The following GPR89B variants were observed in gnomAD, a reference collection of about 807,000 sequenced individuals.
The protein encoded by GPR89B is golgi pH regulator B, also known as G protein-coupled receptor 89B.
GPR89B carries 25 observed loss-of-function variants against 52.4 expected under a neutral mutation model. The ratio of observed to expected loss-of-function variants is 0.48; its 90% confidence interval spans 0.35 to 0.67. GPR89B has a LOEUF of 0.67. Among genes scored for constraint, GPR89B ranks in the 30% least tolerant of loss-of-function variants. The probability of loss-of-function intolerance (pLI) is 0.01; values close to 1 mark genes in which losing one functional copy is unlikely to be tolerated. For synonymous variants in GPR89B, 52 were observed against 151.2 expected (o/e 0.34, Z 4.81); for missense variants, 146 against 450.2 (o/e 0.32, Z 6.11).
chr1:147,985,463 A>G (rs1490190987), intron 10 of GPR89B, among the ~76,000 whole-genome samples: 10 of 152,002 alleles, frequency 6.6e-5, no homozygotes, highest in Admixed American at 3.9e-4. Flanking sequence ...TCAGCAATCT[A>G]TAGCCCACAG....
chr1:148,005,836 T>C, the GPR89B span, among the ~76,000 whole-genome samples: 1 of 151,984 alleles, frequency 6.6e-6, no homozygotes, highest in Non-Finnish European at 1.5e-5. Context: ...TCCAAGACCA[T>C]GCTTCTGTTC....
chr1:147,991,543 G>A (rs1236626683), intron 12 of GPR89B, among the ~76,000 whole-genome samples: 1 of 152,132 alleles, frequency 6.6e-6, no homozygotes, highest in Non-Finnish European at 1.5e-5. Context: ...CAAAGGGAAT[G>A]CTTCCAGTTT....
chr1:148,025,635 A>G, the GPR89B span: 4 of 148,350 alleles, frequency 2.7e-5, no homozygotes, highest in African/African-American at 1.0e-4. Flanking sequence ...TTAACCCCCA[A>G]CTTGACTGTA....
Position 147,928,579 on chromosome 1 carries a change from G to A in GPR89B, c.42+1G>A. 1 of 1,613,896 alleles carries A rather than the reference G, an allele frequency of 6.2e-7. No homozygotes were observed. The highest frequency in any genetic ancestry group is 1.1e-5 in the South Asian group (1 of 91,076). ...CTCCAGCATCATGATTACCTCCCAGGTGAGTCACCGCCTCCCGCCCCGACA... is the reference window on the plus strand; with the variant it reads ...CTCCAGCATCATGATTACCTCCCAGATGAGTCACCGCCTCCCGCCCCGACA... On this transcript the variant is annotated splice_donor_variant, in intron 1 of 13. Coordinates refer to ENST00000314163, the MANE Select transcript of GPR89B (RefSeq NM_016334.5). LOFTEE classifies it high-confidence loss of function.
the GPR89B span, among the ~76,000 whole-genome samples, chr1:148,015,293 A>ATCTCCCTCTCTC: frequency 9.9e-4 from 69 of 69,878 alleles, no homozygotes; most frequent in Middle Eastern, 6.4e-3. Flanking sequence ...GGATTCTAGG[A>ATCTCCCTCTCTC]TCTCTCTCTC....
the GPR89B span, chr1:148,011,541 G>T: frequency 1.3e-5 from 2 of 152,362 alleles, no homozygotes; most frequent in Non-Finnish European, 2.9e-5. Flanking sequence ...GGAGAGAGCT[G>T]CAGGGGCCAG....
chr1:147,997,201 A>C (rs1342262328), downstream of GPR89B, among the ~76,000 whole-genome samples: 3 of 152,120 alleles, frequency 2.0e-5, no homozygotes, highest in Non-Finnish European at 4.4e-5. Context: ...TAAACACATT[A>C]GAAAAAGTAA....
chr1:148,025,044 G>A, the GPR89B span, among the ~76,000 whole-genome samples: 1 of 151,704 alleles, frequency 6.6e-6, no homozygotes, highest in East Asian at 1.9e-4. Context: ...GTCCTTAATC[G>A]ACACCATCCT....
chr1:147,992,008 A>C (rs1227520932), intron 12 of GPR89B, among the ~76,000 whole-genome samples: 1 of 152,084 alleles, frequency 6.6e-6, no homozygotes, highest in African/African-American at 2.4e-5. Context: ...ACTATTTTCT[A>C]ATCAACGTAG....
intron 12 of GPR89B, 63 bp from the exon 13 acceptor site, chr1:147,992,439 T>A: frequency 6.4e-7 from 1 of 1,551,990 alleles, no homozygotes; most frequent in Non-Finnish European, 8.9e-7. Context: ...ACCATATTTC[T>A]TACTGTTCGT....
the GPR89B span, among the ~76,000 whole-genome samples, chr1:148,014,249 G>C: frequency 2.6e-5 from 4 of 151,828 alleles, no homozygotes; most frequent in African/African-American, 9.7e-5. Context: ...TCTTGGTCAA[G>C]GCTTTTTTGC....
At chr1:147,955,228 G>T (rs1158797360) in intron 7 of GPR89B, among the ~76,000 whole-genome samples, 4 of 151,968 alleles carry the variant, frequency 2.6e-5, no homozygotes, top group Non-Finnish European at 5.9e-5. Flanking sequence ...TGTCACAAAT[G>T]AAAGAATTTC....
intron 12 of GPR89B, among the ~76,000 whole-genome samples, chr1:147,991,902 T>G (rs1381014245): frequency 2.6e-5 from 4 of 151,790 alleles, no homozygotes; most frequent in Non-Finnish European, 4.4e-5. Flanking sequence ...TAAAATTCTC[T>G]TTTTTTGTTG....
intron 10 of GPR89B, among the ~76,000 whole-genome samples, chr1:147,984,991 A>T (rs1213571562): frequency 6.6e-6 from 1 of 152,166 alleles, no homozygotes; most frequent in Non-Finnish European, 1.5e-5. Context: ...AGTGTTCCAT[A>T]AATGTCAATT....
chr1:147,968,431 A>G (rs1657188971), intron 8 of GPR89B: 3 of 454,266 alleles, frequency 6.6e-6, no homozygotes, highest in Non-Finnish European at 1.3e-5. Flanking sequence ...GAAATAAGGT[A>G]ATGTCTGTAA....
At chr1:147,979,451 C>A (rs1658076660) in intron 10 of GPR89B, among the ~76,000 whole-genome samples, 1 of 152,156 alleles carries the variant, frequency 6.6e-6, no homozygotes, top group South Asian at 2.1e-4. Flanking sequence ...TAGGATTAGT[C>A]ATCCTATTGT....
chr1:147,977,005 C>T (rs1465328698), intron 10 of GPR89B, among the ~76,000 whole-genome samples: 8 of 151,638 alleles, frequency 5.3e-5, no homozygotes, highest in African/African-American at 1.7e-4. Flanking sequence ...GAGGCCGAGG[C>T]GGGCAGATCA....
chr1:147,942,916 ATC>A (rs1298683789), intron 3 of GPR89B, among the ~76,000 whole-genome samples: 8 of 67,154 alleles, frequency 1.2e-4, no homozygotes, highest in Admixed American at 1.1e-3. Flanking sequence ...GGTAAATTAT[ATC>A]TCATTAAAAC....
chr1:148,006,683 C>T, the GPR89B span, among the ~76,000 whole-genome samples: 2 of 151,152 alleles, frequency 1.3e-5, no homozygotes, highest in African/African-American at 4.9e-5. Flanking sequence ...CTTATTAAAT[C>T]GAGAACTTTT....
Sources: gnomAD v4.1 joint callset for allele counts (sites outside exome capture counted in the v4.1 genomes callset) on GRCh38, gnomAD v4.1.1 for gene constraint, MANE v1.5 for transcripts, NCBI Gene and HGNC (gene_info 2026-07-23, HGNC 2026-07-21) for gene names.